FOXN3: variants seen among roughly 807,000 people sequenced by gnomAD.
FOXN3 encodes forkhead box N3, also known as forkhead box protein N3.
In FOXN3, 7 loss-of-function variants were observed where a neutral mutation model predicts 38.4. The ratio of observed to expected loss-of-function variants is 0.18; its 90% CI spans 0.10 to 0.34. FOXN3 has a LOEUF of 0.34. FOXN3 is among the 10% of genes least tolerant of loss of function. FOXN3 has a pLI of 1.00. For synonymous variants in FOXN3, 230 were observed against 242.2 expected, an observed-to-expected ratio of 0.95 and a Z score of 0.47; for missense variants, 456 against 613.4, an observed-to-expected ratio of 0.74 and a Z score of 2.71.
intron 5 of FOXN3, among the ~76,000 whole-genome samples, chr14:89,175,185 A>C (rs185104470): frequency 6.6e-6 from 1 of 152,360 alleles, no homozygotes; most frequent in Admixed American, 6.5e-5. Context: ...TTAATGCCTG[A>C]CTTGCTTCAT....
chr14:89,249,330 TCTTCG>T (rs1885386817), intron 4 of FOXN3, among the ~76,000 whole-genome samples: 1 of 152,156 alleles, frequency 6.6e-6, no homozygotes, highest in South Asian at 2.1e-4. Context: ...CCCCTGACAG[TCTTCG>T]CTTACTCACA....
intron 3 of FOXN3, among the ~76,000 whole-genome samples, chr14:89,309,198 C>T (rs1347236133): frequency 1.3e-5 from 2 of 152,196 alleles, no homozygotes; most frequent in East Asian, 1.9e-4. Context: ...GCCTCTCCTC[C>T]GTTAAGTGTG....
At chr14:89,290,752 T>A (rs1346086103) in intron 3 of FOXN3, 2 of 316,886 alleles carry the variant, frequency 6.3e-6, no homozygotes, top group Admixed American at 4.3e-5. Flanking sequence ...AGGCTGGGAT[T>A]CTTATATAGG....
chr14:89,409,676 A>G (rs1891489303), intron 2 of FOXN3, among the ~76,000 whole-genome samples: 2 of 152,172 alleles, frequency 1.3e-5, no homozygotes, highest in Admixed American at 1.3e-4. Context: ...CCACGTTCTC[A>G]GTCTGGAATT....
intron 1 of FOXN3, among the ~76,000 whole-genome samples, chr14:89,594,604 C>T (rs1240148500): frequency 6.6e-6 from 1 of 152,120 alleles, no homozygotes; most frequent in African/African-American, 2.4e-5. Context: ...TTTGCATATC[C>T]TTCATATAAG....
At chr14:89,505,654 G>GC (rs954712516) in intron 1 of FOXN3, among the ~76,000 whole-genome samples, 2 of 152,050 alleles carry the variant, frequency 1.3e-5, no homozygotes, top group East Asian at 1.9e-4. Context: ...GCCTGCCTTG[G>GC]CCCCCCAAAG....
intron 2 of FOXN3, among the ~76,000 whole-genome samples, chr14:89,381,036 G>A (rs755403567): frequency 2.6e-5 from 4 of 151,704 alleles, no homozygotes; most frequent in Non-Finnish European, 4.4e-5. Flanking sequence ...CAGCTACTCA[G>A]GAGGCTGAGG....
At chr14:89,182,668 A>G (rs531526990) in intron 4 of FOXN3, among the ~76,000 whole-genome samples, 1 of 152,372 alleles carries the variant, frequency 6.6e-6, no homozygotes, top group South Asian at 2.1e-4. Context: ...TGAATTCTCT[A>G]TAAGGAAGAA....
Position 89,224,615 on chromosome 14 carries a change from T to C in FOXN3, c.746-43809A>G, listed in dbSNP as rs772422346. Among the ~76,000 whole-genome samples, 93 of 152,196 alleles carry C rather than the reference T, an allele frequency of 6.1e-4. 1 individual carries two copies. The highest frequency in any genetic ancestry group is 1.9e-4 in the Non-Finnish European group (13 of 68,038). On this transcript the variant is annotated intron_variant, in intron 4 of 5. Transcript: ENST00000557258. The stretch of plus-strand genomic sequence containing the variant: ...GGCACAACTGGGTATGTTCTAACAA[T>C]CATCTGGTAGGAGAGATGTAAATAT...
At chr14:89,516,708 T>C (rs370676746) in intron 1 of FOXN3, among the ~76,000 whole-genome samples, 2 of 151,976 alleles carry the variant, frequency 1.3e-5, no homozygotes, top group East Asian at 1.9e-4. Flanking sequence ...ACTATAGGCA[T>C]GCACCACCAC....
At chr14:89,204,601 G>T (rs769827478) in intron 4 of FOXN3, among the ~76,000 whole-genome samples, 4 of 152,064 alleles carry the variant, frequency 2.6e-5, no homozygotes, top group African/African-American at 4.8e-5. Context: ...AAAACAAAGC[G>T]CCAAAAAAGC....
intron 3 of FOXN3, among the ~76,000 whole-genome samples, chr14:89,307,503 C>T (rs573551666): frequency 5.3e-5 from 8 of 152,176 alleles, no homozygotes; most frequent in South Asian, 2.1e-4. Flanking sequence ...GCTGGATGGC[C>T]GGTGAACTTT....
intron 3 of FOXN3, chr14:89,290,748 G>C: frequency 3.1e-6 from 1 of 319,854 alleles, no homozygotes; most frequent in Non-Finnish European, 6.1e-6. Context: ...CTGCAGGCTG[G>C]GATTCTTATA....
At chr14:89,310,586 C>A (rs1203993750) in intron 3 of FOXN3, among the ~76,000 whole-genome samples, 1 of 152,156 alleles carries the variant, frequency 6.6e-6, no homozygotes, top group Non-Finnish European at 1.5e-5. Flanking sequence ...TCTTCCACTG[C>A]CTTTAACAAA....
chr14:89,482,590 A>C (rs1433597536), intron 1 of FOXN3, among the ~76,000 whole-genome samples: 1 of 137,274 alleles, frequency 7.3e-6, no homozygotes, highest in African/African-American at 2.8e-5. Context: ...CTCCAGCTGG[A>C]GCAACAGAGC....
chr14:89,312,301 A>AAAAAAAAAAAAT (rs1887577099), intron 3 of FOXN3, among the ~76,000 whole-genome samples: 1 of 149,834 alleles, frequency 6.7e-6, no homozygotes, highest in Non-Finnish European at 1.5e-5. Context: ...AAAAAAAAAA[A>AAAAAAAAAAAAT]GAAGCCAAGG....
chr14:89,500,033 A>T (rs1011088430), intron 1 of FOXN3, among the ~76,000 whole-genome samples: 1 of 151,916 alleles, frequency 6.6e-6, no homozygotes, highest in Non-Finnish European at 1.5e-5. Flanking sequence ...TTGTATTTTT[A>T]GTAGAGATGG....
intron 1 of FOXN3, among the ~76,000 whole-genome samples, chr14:89,471,150 T>C (rs1893086753): frequency 6.6e-6 from 1 of 152,052 alleles, no homozygotes; most frequent in Admixed American, 6.5e-5. Context: ...AAGCGCACAG[T>C]ATGTTTGCTT....
At chr14:89,606,421 T>C (rs1357587652) in intron 1 of FOXN3, among the ~76,000 whole-genome samples, 1 of 152,068 alleles carries the variant, frequency 6.6e-6, no homozygotes, top group Admixed American at 6.5e-5. Context: ...TACCAAAATT[T>C]GATAAGATCA....
Sources: allele counts gnomAD v4.1 joint callset (sites outside exome capture counted in the v4.1 genomes callset), GRCh38; gene constraint gnomAD v4.1.1; transcripts MANE v1.5; gene names NCBI Gene and HGNC (gene_info 2026-07-23, HGNC 2026-07-21).